Variants in ARHGAP12 observed in about 807,000 individuals in gnomAD.
ARHGAP12 encodes Rho GTPase activating protein 12, also known as rho GTPase-activating protein 12.
Under a neutral mutation model 108.6 loss-of-function variants are expected in ARHGAP12, and 64 were observed. That is an observed-to-expected ratio of 0.59 (90% CI 0.48 to 0.73). ARHGAP12 has a LOEUF of 0.73. Ranked by LOEUF, ARHGAP12 falls within the 30% of genes least tolerant of loss-of-function variation. The pLI is 0.00. For synonymous variants in ARHGAP12, 312 were observed against 337.2 expected (o/e 0.93, Z 0.82); for missense variants, 940 against 1,005.9 (o/e 0.93, Z 0.89).
chr10:31,921,425 G>A (rs997034455), intron 1 of ARHGAP12, among the ~76,000 whole-genome samples: 7 of 152,096 alleles, frequency 4.6e-5, no homozygotes, highest in Non-Finnish European at 1.0e-4. Context: ...TCACATCAAT[G>A]ACATAAGCTT....
chr10:31,870,320 C>A (rs1270595721), intron 3 of ARHGAP12, among the ~76,000 whole-genome samples: 1 of 151,700 alleles, frequency 6.6e-6, no homozygotes, highest in Non-Finnish European at 1.5e-5. Context: ...ACCTCCGCCT[C>A]CTGCGTTCAA....
At chr10:31,820,332 G>A in intron 12 of ARHGAP12, 55 bp downstream of exon 12, 1 of 1,390,736 alleles carries the variant, frequency 7.2e-7, no homozygotes, top group Middle Eastern at 2.4e-4. Flanking sequence ...TCAAAAAACA[G>A]AACATCCAAT....
chr10:31,881,329 AT>A (rs1163568172), intron 3 of ARHGAP12, among the ~76,000 whole-genome samples: 1 of 152,138 alleles, frequency 6.6e-6, no homozygotes, highest in Non-Finnish European at 1.5e-5. Context: ...ACAGGAATAA[AT>A]GTCCTGGGCC....
chr10:31,920,096 ACT>A lies in ARHGAP12; in HGVS notation c.-111+8585_-111+8586del, dbSNP rs372671657. Among the ~76,000 whole-genome samples the A allele has an allele frequency of 5.2e-3, 776 of 149,972 alleles. 6 individuals are homozygous for A. Among genetic ancestry groups the A allele is most frequent in the South Asian group, 0.035 (165 of 4,758 alleles). ...ACTCCAGCCTGGGTGACAGAGCAAG[ACT>A]CTGTCTCAAAAAAAAAAAAAAGTAA... is the stretch of plus-strand genomic sequence containing the variant. On this transcript the variant is annotated intron_variant, in intron 1 of 19. Transcript: ENST00000344936.
At chr10:31,810,567 TA>T in intron 16 of ARHGAP12, 81 bp downstream of exon 16, 1 of 982,814 alleles carries the variant, frequency 1.0e-6, no homozygotes. Context: ...CTCAAAATCA[TA>T]AAAATTCTAG....
intron 9 of ARHGAP12, among the ~76,000 whole-genome samples, chr10:31,837,985 G>A (rs1034888860): frequency 6.6e-6 from 1 of 152,132 alleles, no homozygotes; most frequent in Admixed American, 6.6e-5. Flanking sequence ...CATTAATAGA[G>A]AGTTGGAGGT....
At position 31,908,670 on chromosome 10, in the gene ARHGAP12, A is replaced by T; in HGVS notation, c.186T>A (p.Phe62Leu). 1 of 1,614,170 alleles carries T rather than the reference A, an allele frequency of 6.2e-7. No homozygotes were observed. Among genetic ancestry groups the T allele is most frequent in the Non-Finnish European group, 8.5e-7 (1 of 1,180,036 alleles). The change falls in exon 3 of 20, where the codon TTT (phenylalanine) becomes TTA (leucine). Residue 62 changes from phenylalanine (F) to leucine (L), a missense_variant. Phe to Leu is a conservative substitution (Grantham distance 22). Transcript: ENST00000344936. ...CCTTCACATACTGGGCTGGCACATA[A>T]AACGCTTTGGAGTTTTCATCTGGCT... ...QVKPDENSKA[F>L]YVPAQYVKEV...
intron 3 of ARHGAP12, among the ~76,000 whole-genome samples, chr10:31,877,787 ATAAT>A (rs1837786264): frequency 6.6e-6 from 1 of 152,248 alleles, no homozygotes; most frequent in Non-Finnish European, 1.5e-5. Context: ...TATTTAGCAG[ATAAT>A]TAATGAAATT....
intron 10 of ARHGAP12, among the ~76,000 whole-genome samples, chr10:31,829,958 A>C (rs1228824519): frequency 6.6e-6 from 1 of 152,208 alleles, no homozygotes; most frequent in Non-Finnish European, 1.5e-5. Flanking sequence ...ACAGACTGCA[A>C]GCAGAGATGA....
chr10:31,814,451 G>T, intron 13 of ARHGAP12, 90 bp from the exon 14 acceptor site: 1 of 1,058,464 alleles, frequency 9.4e-7, no homozygotes, highest in Non-Finnish European at 1.4e-6. Context: ...TATTGTAAAT[G>T]ACTCTTCCAA....
intron 13 of ARHGAP12, among the ~76,000 whole-genome samples, chr10:31,815,873 G>T (rs1278038467): frequency 6.6e-6 from 1 of 152,136 alleles, no homozygotes; most frequent in Non-Finnish European, 1.5e-5. Context: ...TATAGGCCAG[G>T]TGCAGTGGCT....
chr10:31,823,376 T>A (rs1325467380), intron 11 of ARHGAP12, among the ~76,000 whole-genome samples: 3 of 152,106 alleles, frequency 2.0e-5, no homozygotes, highest in Non-Finnish European at 4.4e-5. Context: ...CACTAGATTT[T>A]TGGATGAGAC....
intron 3 of ARHGAP12, among the ~76,000 whole-genome samples, chr10:31,881,183 C>T (rs1303718639): frequency 6.6e-6 from 1 of 151,702 alleles, no homozygotes; most frequent in African/African-American, 2.4e-5. Flanking sequence ...AAACTTACCA[C>T]ATCAGTTTTC....
chr10:31,907,455 T>C (rs1564426445), intron 3 of ARHGAP12, among the ~76,000 whole-genome samples: 1 of 133,872 alleles, frequency 7.5e-6, no homozygotes, highest in Non-Finnish European at 1.7e-5. Flanking sequence ...TGAGATCCTG[T>C]CTCTAAAAAA....
At chr10:31,922,716 T>G (rs1839872685) in intron 1 of ARHGAP12, among the ~76,000 whole-genome samples, 1 of 152,024 alleles carries the variant, frequency 6.6e-6, no homozygotes. Flanking sequence ...ACTGGTGAAT[T>G]TTACCAAAAA....
In ARHGAP12 at chr10:31,812,837, G is replaced by A. The variant is rs780780495; in HGVS notation, c.1835-14C>T. The A allele has an allele frequency of 3.5e-6, 5 of 1,421,616 alleles. No homozygotes were observed. Among genetic ancestry groups the A allele is most frequent in the Non-Finnish European group, 4.8e-6 (5 of 1,039,038 alleles). 88.1% of individuals were successfully genotyped at this position (1,421,616 alleles called of 1,614,324 possible). On this transcript the variant is annotated splice_polypyrimidine_tract_variant and intron_variant, in intron 14 of 19. Transcript: ENST00000344936. ...ATACTTTAAAGGCTTAAGACAAAAA[G>A]ACAGGTAATGAGCATTTGTAAAAAT...
At chr10:31,853,945 A>G (rs188752745) in intron 5 of ARHGAP12, 121 bp downstream of exon 5, 98 of 1,056,134 alleles carry the variant, frequency 9.3e-5, no homozygotes, top group Non-Finnish European at 1.2e-4. Context: ...GCATGATTAT[A>G]AAGTTACAAT....
intron 3 of ARHGAP12, among the ~76,000 whole-genome samples, chr10:31,901,081 G>A (rs929170148): frequency 6.6e-6 from 1 of 151,576 alleles, no homozygotes; most frequent in East Asian, 1.9e-4. Context: ...AGCTGGGCAC[G>A]GTGGTGCACC....
At chr10:31,810,594 A>G (rs1834979917) in intron 16 of ARHGAP12, 55 bp downstream of exon 16, 1 of 1,263,934 alleles carries the variant, frequency 7.9e-7, no homozygotes, top group Non-Finnish European at 1.1e-6. Flanking sequence ...TTGATGGCAA[A>G]ACAAGAAGCT....
Sources: allele counts gnomAD v4.1 joint callset (sites outside exome capture counted in the v4.1 genomes callset), GRCh38; gene constraint gnomAD v4.1.1; transcripts MANE v1.5; gene names NCBI Gene and HGNC (gene_info 2026-07-23, HGNC 2026-07-21).